Variants in GHR observed in about 807,000 individuals in gnomAD.
GHR encodes growth hormone receptor.
Under a neutral mutation model 67.1 loss-of-function variants are expected in GHR, and 35 were observed. The observed-to-expected ratio is 0.52, with a 90% confidence interval of 0.40 to 0.69. GHR has a LOEUF of 0.69. Ranked by LOEUF, GHR falls within the 30% of genes least tolerant of loss-of-function variation. GHR has a pLI of 0.00. For missense variants in GHR, 792 were observed against 764.6 expected, an observed-to-expected ratio of 1.04 and a Z score of -0.42; for synonymous variants, 272 against 269.1, an observed-to-expected ratio of 1.01 and a Z score of -0.10.
At chr5:42,695,224 G>C in intron 5 of GHR, 135 bp downstream of exon 5, 1 of 711,582 alleles carries the variant, frequency 1.4e-6, no homozygotes, top group South Asian at 1.5e-5. Flanking sequence ...TGTTTTACAG[G>C]AGATGGGATC....
chr5:42,691,780 AG>A (rs143551815), intron 4 of GHR, among the ~76,000 whole-genome samples: 3,802 of 152,350 alleles, frequency 0.025, 82 homozygotes, highest in Middle Eastern at 0.051. Context: ...CTGGCAGAAA[AG>A]GCAGCCTCCA....
At chr5:42,646,925 T>C (rs1754761406) in intron 3 of GHR, among the ~76,000 whole-genome samples, 1 of 152,148 alleles carries the variant, frequency 6.6e-6, no homozygotes, top group Non-Finnish European at 1.5e-5. Flanking sequence ...TCTTATTTCC[T>C]TTTTTGGCTT....
intron 1 of GHR, among the ~76,000 whole-genome samples, chr5:42,540,804 AC>A (rs974277075): frequency 3.3e-5 from 5 of 151,912 alleles, no homozygotes; most frequent in African/African-American, 1.2e-4. Context: ...GTCCTTCTGC[AC>A]CCCCCAGTCA....
chr5:42,504,641 C>T (rs1202335246), intron 1 of GHR, among the ~76,000 whole-genome samples: 3 of 152,094 alleles, frequency 2.0e-5, no homozygotes, highest in Admixed American at 6.5e-5. Context: ...CACCTGTAGT[C>T]CCAGCTACTC....
intron 1 of GHR, among the ~76,000 whole-genome samples, chr5:42,546,922 A>T (rs962724269): frequency 5.9e-5 from 9 of 152,200 alleles, no homozygotes; most frequent in Non-Finnish European, 1.3e-4. Context: ...GAGGAAGAAA[A>T]GACATCCAGA....
At chr5:42,583,543 C>T (rs186489060) in intron 2 of GHR, among the ~76,000 whole-genome samples, 3 of 152,152 alleles carry the variant, frequency 2.0e-5, no homozygotes, top group East Asian at 1.9e-4. Context: ...CACAAGTCAG[C>T]GCAGGTCCCC....
chr5:42,621,053 C>A (rs779038040), intron 2 of GHR, among the ~76,000 whole-genome samples: 1 of 152,068 alleles, frequency 6.6e-6, no homozygotes, highest in African/African-American at 2.4e-5. Context: ...GATTAATCTG[C>A]GCTCCTGTTA....
chr5:42,641,193 G>A (rs75880438), intron 3 of GHR, among the ~76,000 whole-genome samples: 11,670 of 120,074 alleles, frequency 0.097, 524 homozygotes, highest in Middle Eastern at 0.17. Context: ...AGCTAAAAGT[G>A]TACACCTTTG....
chr5:42,627,186 T>C (rs2112736489), intron 2 of GHR, among the ~76,000 whole-genome samples: 1 of 152,342 alleles, frequency 6.6e-6, no homozygotes, highest in South Asian at 2.1e-4. Flanking sequence ...CATGTTTATT[T>C]CTAAAAATAA....
intron 3 of GHR, among the ~76,000 whole-genome samples, chr5:42,687,588 G>T (rs1333258962): frequency 1.3e-5 from 2 of 152,144 alleles, no homozygotes; most frequent in Non-Finnish European, 2.9e-5. Context: ...TGTTTAGAAG[G>T]TTTATAACAT....
chr5:42,705,915 C>T (rs546934595), intron 6 of GHR, among the ~76,000 whole-genome samples: 162 of 152,184 alleles, frequency 1.1e-3, no homozygotes, highest in African/African-American at 3.5e-3. Flanking sequence ...TACCCAATAA[C>T]GGGACTGCTG....
At chr5:42,574,907 C>A (rs911128360) in intron 2 of GHR, among the ~76,000 whole-genome samples, 2 of 152,166 alleles carry the variant, frequency 1.3e-5, no homozygotes, top group Non-Finnish European at 1.5e-5. Flanking sequence ...ACTGAAATTC[C>A]AGGCTAAAAT....
intron 1 of GHR, among the ~76,000 whole-genome samples, chr5:42,445,398 C>T (rs1743764605): frequency 6.6e-6 from 1 of 152,132 alleles, no homozygotes; most frequent in Non-Finnish European, 1.5e-5. Flanking sequence ...ATTGTGCCAC[C>T]ATCAAGTCCT....
At chr5:42,716,078 C>T (rs1758704577) in intron 8 of GHR, among the ~76,000 whole-genome samples, 1 of 152,014 alleles carries the variant, frequency 6.6e-6, no homozygotes, top group Non-Finnish European at 1.5e-5. Flanking sequence ...AAACATCAGC[C>T]ATTTGGAAAC....
At chr5:42,505,523 A>G (rs950464096) in intron 1 of GHR, among the ~76,000 whole-genome samples, 6 of 152,142 alleles carry the variant, frequency 3.9e-5, no homozygotes, top group Admixed American at 6.5e-5. Flanking sequence ...TAAGACTTCA[A>G]TCAGTAAAGC....
At chr5:42,628,254 T>C (rs920463941) in intron 2 of GHR, among the ~76,000 whole-genome samples, 1 of 151,886 alleles carries the variant, frequency 6.6e-6, no homozygotes, top group Non-Finnish European at 1.5e-5. Context: ...AAAAGGTAGC[T>C]TTTTGGACAT....
intron 3 of GHR, chr5:42,646,278 C>T (rs768849248): frequency 2.2e-6 from 1 of 444,892 alleles, no homozygotes; most frequent in Non-Finnish European, 4.5e-6. Flanking sequence ...ACAAATGAAC[C>T]CTGCAAATTG....
chr5:42,506,587 T>G (rs1462196573), intron 1 of GHR, among the ~76,000 whole-genome samples: 1 of 152,234 alleles, frequency 6.6e-6, no homozygotes, highest in African/African-American at 2.4e-5. Flanking sequence ...CACTATTTGT[T>G]AACTTTTAAC....
intron 1 of GHR, among the ~76,000 whole-genome samples, chr5:42,441,305 T>A (rs1054302245): frequency 7.2e-5 from 11 of 152,170 alleles, no homozygotes; most frequent in Admixed American, 5.2e-4. Flanking sequence ...GTAAATGTCC[T>A]CTTGGATTAA....
Sources: allele counts gnomAD v4.1 joint callset (sites outside exome capture counted in the v4.1 genomes callset), GRCh38; gene constraint gnomAD v4.1.1; transcripts MANE v1.5; gene names NCBI Gene and HGNC (gene_info 2026-07-23, HGNC 2026-07-21).